Variants in ZNF827 observed in about 807,000 individuals in gnomAD.
ZNF827 encodes zinc finger protein 827.
In ZNF827, 13 loss-of-function variants were observed where a neutral mutation model predicts 102.4. The ratio of observed to expected loss-of-function variants is 0.13; its 90% CI spans 0.08 to 0.20. The LOEUF (loss-of-function observed/expected upper bound fraction) is 0.20, where lower values mean the gene tolerates loss of function less well. Ranked by LOEUF, ZNF827 falls within the 10% of genes least tolerant of loss-of-function variation. The probability of loss-of-function intolerance (pLI) is 1.00; values close to 1 mark genes in which losing one functional copy is unlikely to be tolerated. For synonymous variants in ZNF827, 523 were observed against 536.2 expected (o/e 0.98, Z 0.34); for missense variants, 1,103 against 1,344.4 (o/e 0.82, Z 2.81).
chr4:145,873,410 C>CCCA (rs1307222188), intron 4 of ZNF827, among the ~76,000 whole-genome samples: 1 of 152,154 alleles, frequency 6.6e-6, no homozygotes, highest in Non-Finnish European at 1.5e-5. Flanking sequence ...TCCAAAATAT[C>CCCA]CCACCAAAAG....
intron 9 of ZNF827, among the ~76,000 whole-genome samples, chr4:145,777,010 A>G (rs1171744533): frequency 1.3e-5 from 2 of 152,100 alleles, no homozygotes; most frequent in African/African-American, 4.8e-5. Flanking sequence ...GGAAAGAACA[A>G]CTCCAGTGTT....
chr4:145,779,217 A>G (rs1243326574), intron 9 of ZNF827, among the ~76,000 whole-genome samples, 157 bp downstream of exon 9: 1 of 152,240 alleles, frequency 6.6e-6, no homozygotes, highest in East Asian at 1.9e-4. Context: ...AAGCCTTTCC[A>G]AGGTCTTCTT....
At position 145,799,867 on chromosome 4, in the gene ZNF827, T is replaced by G. The variant is rs569592252; in HGVS notation, c.2384-20356A>C. On this transcript the variant is annotated intron_variant, in intron 8 of 14. Transcript: ENST00000508784. ...ATAGTAGACCATAAGATGGAAGATG[T>G]AAGCCAAGAATGGCAGGATAACAAG... is the stretch of plus-strand genomic sequence containing the variant. 1.9e-4 allele frequency among the ~76,000 whole-genome samples: 29 copies of G among 152,294 alleles called. No homozygotes were observed. In the South Asian group the frequency reaches 3.9e-3, roughly 21 times the overall value.
chr4:145,855,741 A>G (rs951902745), intron 5 of ZNF827, among the ~76,000 whole-genome samples: 1 of 152,210 alleles, frequency 6.6e-6, no homozygotes, highest in African/African-American at 2.4e-5. Context: ...CTGAAATTAC[A>G]TGTTTGGCTT....
In ZNF827 at chr4:145,765,865, G is replaced by T; in HGVS notation, c.2861-127C>A. ...CTGGGGGCACAGGCTCATGTCCCCAGCTCCCCCACTGCTGGGGGATCCCAG... is the reference window on the plus strand; with the variant it reads ...CTGGGGGCACAGGCTCATGTCCCCATCTCCCCCACTGCTGGGGGATCCCAG... On this transcript the variant is annotated intron_variant, in intron 11 of 14. Transcript: ENST00000508784. The surrounding 1 kb of genome is among the most constrained non-coding windows in gnomAD (Gnocchi z 4.7). 1.1e-6 allele frequency: 1 copy of T among 930,486 alleles called. No individual in the cohort carries two copies. The highest frequency in any genetic ancestry group is 1.6e-6 in the Non-Finnish European group (1 of 639,728). 57.6% of individuals were successfully genotyped at this position (930,486 alleles called of 1,614,324 possible). A position where few individuals can be genotyped will look rare whatever the true frequency, so the allele number is the denominator to read the frequency against.
chr4:145,761,671 C>G lies in ZNF827; in HGVS notation c.*18-73G>C. ...GGCAGCCGCGCTTCTCGCCGCCTCA[C>G]CAGCCTTCCCTCACACCACCCCCCA... On this transcript the variant is annotated intron_variant, in intron 14 of 14. Transcript: ENST00000508784. The surrounding 1 kb of genome is among the most constrained non-coding windows in gnomAD (Gnocchi z 6.8). The G allele has an allele frequency of 1.1e-6, 1 of 949,636 alleles. No individual in the cohort carries two copies. The highest frequency in any genetic ancestry group is 1.7e-5 in the African/African-American group (1 of 58,650). The allele number at this position is 949,636 out of a possible 1,614,324, so 58.8% of individuals were successfully genotyped here. A position where few individuals can be genotyped will look rare whatever the true frequency, so the allele number is the denominator to read the frequency against.
chr4:145,870,688 T>C (rs1748609449), intron 4 of ZNF827: 1 of 499,888 alleles, frequency 2.0e-6, no homozygotes, highest in East Asian at 3.1e-5. Context: ...TTCTGAATCT[T>C]TTGAACCTAA....
intron 5 of ZNF827, among the ~76,000 whole-genome samples, chr4:145,867,912 G>C (rs779612436): frequency 6.6e-6 from 1 of 152,092 alleles, no homozygotes; most frequent in Non-Finnish European, 1.5e-5. Flanking sequence ...CATGGCAAAG[G>C]GTATCTGAAG....
intron 1 of ZNF827, among the ~76,000 whole-genome samples, chr4:145,916,294 C>T (rs1579562645): frequency 6.6e-6 from 1 of 152,308 alleles, no homozygotes; most frequent in South Asian, 2.1e-4. Flanking sequence ...GAATTTTGAG[C>T]ACCTGCACAC....
intron 3 of ZNF827, among the ~76,000 whole-genome samples, chr4:145,887,265 T>TA (rs1641827329): frequency 6.6e-6 from 1 of 151,944 alleles, no homozygotes; most frequent in African/African-American, 2.4e-5. Context: ...TCACCAAGGT[T>TA]AAAGGCTCAT....
intron 8 of ZNF827, among the ~76,000 whole-genome samples, chr4:145,817,127 G>A (rs979050438): frequency 6.6e-6 from 1 of 152,172 alleles, no homozygotes; most frequent in Non-Finnish European, 1.5e-5. Context: ...GATAAAGAAA[G>A]AGAATGCCCC....
At chr4:145,936,157 T>C (rs1754149918) in intron 1 of ZNF827, among the ~76,000 whole-genome samples, 1 of 151,936 alleles carries the variant, frequency 6.6e-6, no homozygotes, top group Admixed American at 6.6e-5. Context: ...CCCTCAGGAT[T>C]CCTGCCTCCT....
intron 7 of ZNF827, among the ~76,000 whole-genome samples, chr4:145,834,246 C>T (rs948766684): frequency 3.3e-5 from 5 of 152,140 alleles, no homozygotes; most frequent in African/African-American, 1.2e-4. Context: ...GCCTGACATC[C>T]AGGCATTCTT....
At chr4:145,828,682 G>T (rs1743908092) in intron 7 of ZNF827, among the ~76,000 whole-genome samples, 1 of 152,104 alleles carries the variant, frequency 6.6e-6, no homozygotes, top group Non-Finnish European at 1.5e-5. Context: ...AATGGCTGTG[G>T]AAAGTATATT....
In ZNF827 at chr4:145,834,306, A is replaced by T. The variant is rs1482683121; in HGVS notation, c.2280-10781T>A. On this transcript the variant is annotated intron_variant, in intron 7 of 14. Coordinates refer to ENST00000508784, the MANE Select transcript of ZNF827 (RefSeq NM_001306215.2). ...TCTGTGCCCAGTGCAACTTGTCCCAAATCTTCCTTCTTTCCCTCCCGCCTG... is the reference window on the plus strand; with the variant it reads ...TCTGTGCCCAGTGCAACTTGTCCCATATCTTCCTTCTTTCCCTCCCGCCTG... Among the ~76,000 whole-genome samples, 3 of 151,898 alleles carry T rather than the reference A, an allele frequency of 2.0e-5. 1 individual carries two copies. Among genetic ancestry groups the T allele is most frequent in the Non-Finnish European group, 4.4e-5 (3 of 67,926 alleles).
rs368018297 is a variant in ZNF827 at position 145,903,125 on chromosome 4, T to A, written c.134A>T (p.Tyr45Phe). ...CTTATAGTTCTCCTGGACTTCCCCA[T>A]AGGATGCTTCTGACGGAGTCTCTGA... ...NSSETPSEAS[Y>F]GEVQENYKLS... Residue 45 changes from tyrosine to phenylalanine, a missense_variant, in exon 2 of 15, where the codon TAT (tyrosine) becomes TTT (phenylalanine). By Grantham distance (22) the Tyr-to-Phe change is conservative. This residue lies in a region of ZNF827 where 441 missense variants were observed against 458.6 expected (regional missense o/e 0.96). Coordinates refer to ENST00000508784, the MANE Select transcript of ZNF827 (RefSeq NM_001306215.2). 2 of 1,614,096 alleles carry A rather than the reference T, an allele frequency of 1.2e-6. No individual in the cohort carries two copies. Among genetic ancestry groups the A allele is most frequent in the Admixed American group, 1.7e-5 (1 of 60,002 alleles).
chr4:145,899,196 G>A (rs1751215993), intron 2 of ZNF827, among the ~76,000 whole-genome samples: 1 of 152,076 alleles, frequency 6.6e-6, no homozygotes, highest in Admixed American at 6.6e-5. Context: ...TCCCATACAG[G>A]GGTGATGACT....
chr4:145,883,270 A>G (rs1190142078), intron 4 of ZNF827, among the ~76,000 whole-genome samples: 1 of 152,220 alleles, frequency 6.6e-6, no homozygotes, highest in Non-Finnish European at 1.5e-5. Flanking sequence ...CAGGACCTCC[A>G]GTAAGCCACC....
At chr4:145,921,740 C>T (rs1321796430) in intron 1 of ZNF827, among the ~76,000 whole-genome samples, 2 of 152,058 alleles carry the variant, frequency 1.3e-5, no homozygotes, top group Admixed American at 1.3e-4. Flanking sequence ...AAAGAAGACA[C>T]GAAGACCAGA....
Sources: gnomAD v4.1 joint callset for allele counts (sites outside exome capture counted in the v4.1 genomes callset) on GRCh38, gnomAD v4.1.1 for gene constraint, gnomAD v4.1.1 regional missense constraint, Gnocchi (gnomAD v3.1) non-coding constraint, MANE v1.5 for transcripts, NCBI Gene and HGNC (gene_info 2026-07-23, HGNC 2026-07-21) for gene names.